SHROOM2: variants seen among roughly 807,000 people sequenced by gnomAD.
SHROOM2 encodes the protein protein Shroom2.
A neutral mutation model predicts 75.9 loss-of-function variants in SHROOM2; 33 were observed. The observed-to-expected ratio is 0.43, with a 90% CI of 0.33 to 0.58. The LOEUF (loss-of-function observed/expected upper bound fraction) is 0.58, where lower values mean the gene tolerates loss of function less well. Ranked by LOEUF, SHROOM2 falls within the 20% of genes least tolerant of loss-of-function variation. SHROOM2 has a pLI of 0.04. For missense variants in SHROOM2, 1,434 were observed against 1,461.2 expected, an observed-to-expected ratio of 0.98 and a Z score of 0.30; for synonymous variants, 655 against 663.6, an observed-to-expected ratio of 0.99 and a Z score of 0.20.
At chrX:9,848,511 A>AAAAAAAAAAAAC (rs2084019524) in intron 1 of SHROOM2, among the ~76,000 whole-genome samples, 1 of 39,243 alleles carries the variant, frequency 2.5e-5, no homozygotes, top group Non-Finnish European at 5.4e-5. Flanking sequence ...ACTCCGTCTC[A>AAAAAAAAAAAAC]AAAAAAAAAA....
At chrX:9,855,295 T>TA (rs57235424) in intron 1 of SHROOM2, among the ~76,000 whole-genome samples, 814 of 39,272 alleles carry the variant, frequency 0.021, 99 homozygotes, top group African/African-American at 0.058. Flanking sequence ...TAAAGTATAG[T>TA]AAAAAAAAAA....
In SHROOM2 at chrX:9,933,987, G is replaced by C. The variant is rs185197462; in HGVS notation, c.3587+1117G>C. ...TTGTTGTCCTAAGTGCGATGGGAGT[G>C]GGGGGTGCTCTCTGCATCTAGTGGT... On this transcript the variant is annotated intron_variant, in intron 6 of 9. Coordinates refer to ENST00000380913, the MANE Select transcript of SHROOM2 (RefSeq NM_001649.4). 1.0e-3 allele frequency among the ~76,000 whole-genome samples: 114 copies of C among 111,421 alleles called. 1 individual carries two copies. The highest frequency in any genetic ancestry group is 3.6e-3 in the African/African-American group (111 of 30,693).
intron 5 of SHROOM2, among the ~76,000 whole-genome samples, chrX:9,900,895 C>G (rs1187649812): frequency 1.8e-5 from 2 of 110,000 alleles, no homozygotes; most frequent in African/African-American, 3.3e-5. Flanking sequence ...CCCACAAGCT[C>G]AGGCATCATA....
intron 2 of SHROOM2, among the ~76,000 whole-genome samples, chrX:9,888,736 A>C (rs2084274881): frequency 8.9e-6 from 1 of 111,794 alleles, no homozygotes; most frequent in African/African-American, 3.3e-5. Flanking sequence ...GAGCCACAGC[A>C]CCCGGCCATT....
chrX:9,831,304 C>T (rs1162741746), intron 1 of SHROOM2, among the ~76,000 whole-genome samples: 1 of 112,091 alleles, frequency 8.9e-6, no homozygotes, highest in Non-Finnish European at 1.9e-5. Flanking sequence ...TAGACATTGC[C>T]AAGTGTCTAG....
intron 1 of SHROOM2, among the ~76,000 whole-genome samples, chrX:9,823,020 TCTC>T (rs2083862409): frequency 1.8e-5 from 1 of 56,785 alleles, no homozygotes; most frequent in Non-Finnish European, 3.2e-5. Context: ...TTCTTCTCCT[TCTC>T]CTTCTCCTCC....
intron 1 of SHROOM2, among the ~76,000 whole-genome samples, chrX:9,793,249 A>G (rs1363453733): frequency 1.8e-5 from 2 of 109,429 alleles, no homozygotes; most frequent in African/African-American, 6.6e-5. Flanking sequence ...TTTGTTTATT[A>G]GCTTGTTCTT....
rs751468736 is a variant in SHROOM2, at chrX:9,873,759, C to T, written c.273C>T (p.Cys91=). ...CAGGGTTTAGACAGGAAGCGATTTG[C>T]CTGGTGAAGGGGTCCCATAAGACCC... ...GLSGFRQEAI[C]LVKGSHKTLK... is the part of the protein sequence containing the mutation. The change falls in exon 2 of 10, where the codon TGC becomes TGT. Residue 91 remains cysteine, a synonymous_variant. Transcript: ENST00000380913. The T allele has an allele frequency of 3.3e-6, 4 of 1,209,297 alleles. No individual in the cohort carries two copies. In the East Asian group the frequency reaches 8.9e-5, roughly 27 times the overall value.
In SHROOM2 at chrX:9,893,286, T is replaced by TA. The variant is rs2084304395; in HGVS notation, c.450-1071dup. Among the ~76,000 whole-genome samples, 3 of 111,189 alleles carry TA rather than the reference T, an allele frequency of 2.7e-5. No homozygotes were observed. The South Asian group carries it at 1.1e-3, about 42-fold the overall frequency. ...TCCAGCTAATTTTTTAAAAAGTTTTTATAGAGATGGGGGTCTCACTATATT... is the reference window on the plus strand; with the variant it reads ...TCCAGCTAATTTTTTAAAAAGTTTTTAATAGAGATGGGGGTCTCACTATATT... On this transcript the variant is annotated intron_variant, in intron 3 of 9. Coordinates refer to ENST00000380913, the MANE Select transcript of SHROOM2 (RefSeq NM_001649.4).
At chrX:9,787,112 C>T (rs1338731074) in intron 1 of SHROOM2, among the ~76,000 whole-genome samples, 1 of 111,836 alleles carries the variant, frequency 8.9e-6, no homozygotes, top group Non-Finnish European at 1.9e-5. Flanking sequence ...ACCCCTTGGA[C>T]CCGTGCCTGT....
chrX:9,848,300 C>T (rs7064923), intron 1 of SHROOM2, among the ~76,000 whole-genome samples: 1 of 104,268 alleles, frequency 9.6e-6, no homozygotes, highest in African/African-American at 3.5e-5. Flanking sequence ...GTCAGGAGAT[C>T]GAGACCATCC....
rs1395858523 is a variant in SHROOM2 at position 9,896,341 on chromosome X, G to T, written c.2433G>T (p.Arg811Ser). 2 of 1,211,222 alleles carry T rather than the reference G, an allele frequency of 1.7e-6. No individual in the cohort carries two copies. The highest frequency in any genetic ancestry group is 2.2e-6 in the Non-Finnish European group (2 of 895,480). ...FEETSKPVPQ[R>S]PAQKQALHGI... ...AAACGAGCAAACCTGTTCCCCAGAG[G>T]CCTGCCCAGAAGCAAGCTCTTCACG... is the stretch of plus-strand genomic sequence containing the variant. The change falls in exon 4 of 10, where the codon AGG (arginine) becomes AGT (serine). Residue 811 changes from arginine (R) to serine (S), a missense_variant. By Grantham distance (110) the Arg-to-Ser change is moderately radical. Coordinates refer to ENST00000380913, the MANE Select transcript of SHROOM2 (RefSeq NM_001649.4).
chrX:9,893,973 A>G (rs1390343863), intron 3 of SHROOM2, among the ~76,000 whole-genome samples: 1 of 109,954 alleles, frequency 9.1e-6, no homozygotes, highest in Non-Finnish European at 1.9e-5. Flanking sequence ...AAAAACCAAA[A>G]TCAACAACAA....
rs147728015 is a variant in SHROOM2 at position 9,819,336 on chromosome X, A to G, written c.165+32626A>G. ...GGTGGGATACCTTGGAGGCCAATTA[A>G]GCGCCTTTGCAGTGTCAGTCATGTT... On this transcript the variant is annotated intron_variant, in intron 1 of 9. Coordinates refer to ENST00000380913, the MANE Select transcript of SHROOM2 (RefSeq NM_001649.4). The G allele has an allele frequency of 4.7e-3, 2,341 of 502,537 alleles. 4 individuals are homozygous for G. The highest frequency in any genetic ancestry group is 6.6e-3 in the Non-Finnish European group (1,888 of 285,886). The allele number at this position is 502,537 out of a possible 1,213,427, so 41.4% of individuals were successfully genotyped here. A position where few individuals can be genotyped will look rare whatever the true frequency, so the allele number is the denominator to read the frequency against.
At chrX:9,891,149 C>A in intron 3 of SHROOM2, 41 bp downstream of exon 3, 2 of 1,173,371 alleles carry the variant, frequency 1.7e-6, no homozygotes, top group South Asian at 2.0e-5. Context: ...GTTTGTTCAG[C>A]CTTCTGCAGG....
At chrX:9,893,355 C>G (rs966315283) in intron 3 of SHROOM2, among the ~76,000 whole-genome samples, 2 of 111,720 alleles carry the variant, frequency 1.8e-5, no homozygotes, top group Non-Finnish European at 3.8e-5. Context: ...AAGTGATCCT[C>G]CAGCCTCAAG....
chrX:9,913,556 C>G (rs891480589), intron 5 of SHROOM2, among the ~76,000 whole-genome samples: 6 of 112,146 alleles, frequency 5.4e-5, no homozygotes, highest in Non-Finnish European at 1.1e-4. Context: ...TTTGTGTGTG[C>G]AGAGGGTCGA....
intron 1 of SHROOM2, among the ~76,000 whole-genome samples, chrX:9,834,560 C>T (rs768696417): frequency 9.0e-6 from 1 of 111,440 alleles, no homozygotes; most frequent in South Asian, 3.8e-4. Context: ...GGGCTCATTG[C>T]GAAGTAAATT....
At chrX:9,927,431 C>T (rs1348013794) in intron 5 of SHROOM2, among the ~76,000 whole-genome samples, 3 of 100,239 alleles carry the variant, frequency 3.0e-5, no homozygotes, top group African/African-American at 1.1e-4. Context: ...CTTAAGTCAT[C>T]TGCAAGATTC....
Sources: allele counts gnomAD v4.1 joint callset (sites outside exome capture counted in the v4.1 genomes callset), GRCh38; gene constraint gnomAD v4.1.1; transcripts MANE v1.5; gene names NCBI Gene and HGNC (gene_info 2026-07-23, HGNC 2026-07-21).